Variants in KCNQ5 observed in about 807,000 individuals in gnomAD.
The protein encoded by KCNQ5 is potassium voltage-gated channel subfamily KQT member 5.
A neutral mutation model predicts 98.2 loss-of-function variants in KCNQ5; 30 were observed. That is an observed-to-expected ratio of 0.31 (90% CI 0.23 to 0.41). The LOEUF (loss-of-function observed/expected upper bound fraction) is 0.41, where lower values mean the gene tolerates loss of function less well. KCNQ5 is among the 10% of genes least tolerant of loss of function. KCNQ5 has a pLI of 1.00. For missense variants in KCNQ5, 835 were observed against 1,182.5 expected, an observed-to-expected ratio of 0.71 and a Z score of 4.31; for synonymous variants, 458 against 449.4, an observed-to-expected ratio of 1.02 and a Z score of -0.24.
intron 11 of KCNQ5, among the ~76,000 whole-genome samples, chr6:73,187,392 G>C (rs886874328): frequency 6.6e-5 from 10 of 152,130 alleles, no homozygotes. Context: ...AGTAGTCAGT[G>C]CTTGGGAGTC....
At chr6:72,737,303 T>C (rs1011765042) in intron 1 of KCNQ5, among the ~76,000 whole-genome samples, 1 of 152,210 alleles carries the variant, frequency 6.6e-6, no homozygotes, top group Admixed American at 6.5e-5. Context: ...ACTTTCATCA[T>C]ATATATTATT....
intron 1 of KCNQ5, among the ~76,000 whole-genome samples, chr6:72,640,509 A>G (rs1188118291): frequency 6.6e-6 from 1 of 152,196 alleles, no homozygotes; most frequent in Non-Finnish European, 1.5e-5. Context: ...ATTTGGTGCC[A>G]AGATTATAGA....
At chr6:72,676,520 G>A (rs1314110411) in intron 1 of KCNQ5, among the ~76,000 whole-genome samples, 1 of 152,152 alleles carries the variant, frequency 6.6e-6, no homozygotes, top group East Asian at 1.9e-4. Flanking sequence ...AATTTCTGGA[G>A]TAAGCATCCT....
chr6:72,976,559 C>T (rs886228655), intron 1 of KCNQ5, among the ~76,000 whole-genome samples: 4 of 152,224 alleles, frequency 2.6e-5, no homozygotes, highest in South Asian at 2.1e-4. Context: ...TATTCATTCA[C>T]GGCTATAATT....
At chr6:73,117,587 TTTGGATTTTTTCA>T (rs1775558744) in intron 7 of KCNQ5, among the ~76,000 whole-genome samples, 1 of 152,228 alleles carries the variant, frequency 6.6e-6, no homozygotes, top group African/African-American at 2.4e-5. Flanking sequence ...GTTCTGTTGT[TTTGGATTTTTTCA>T]CTGGTATCTA....
At chr6:73,055,138 T>C in intron 3 of KCNQ5, 1 of 770,224 alleles carries the variant, frequency 1.3e-6, no homozygotes, top group Non-Finnish European at 2.4e-6. Flanking sequence ...ACAGCGAGAG[T>C]GAGTGGAACC....
chr6:72,852,662 A>ATATATATAT (rs1389810749), intron 1 of KCNQ5, among the ~76,000 whole-genome samples: 20 of 38,316 alleles, frequency 5.2e-4, no homozygotes, highest in African/African-American at 8.4e-4. Context: ...TATATATATA[A>ATATATATAT]ATGGCACTTA....
intron 1 of KCNQ5, among the ~76,000 whole-genome samples, chr6:72,947,390 G>A (rs1766597060): frequency 1.3e-5 from 2 of 152,120 alleles, no homozygotes; most frequent in South Asian, 2.1e-4. Flanking sequence ...GAGGGGCAGA[G>A]TTTGGACTGA....
intron 10 of KCNQ5, among the ~76,000 whole-genome samples, chr6:73,159,989 T>C (rs1054086935): frequency 9.0e-6 from 1 of 111,254 alleles, no homozygotes; most frequent in East Asian, 2.0e-4. Context: ...TCCGCTATGG[T>C]TTTTTTTGTT....
intron 1 of KCNQ5, among the ~76,000 whole-genome samples, chr6:72,939,812 C>A (rs539536060): frequency 6.6e-6 from 1 of 152,290 alleles, no homozygotes; most frequent in South Asian, 2.1e-4. Context: ...CTGGCTGCCC[C>A]ATGAGAACAT....
chr6:72,699,824 T>G (rs1218484041), intron 1 of KCNQ5, among the ~76,000 whole-genome samples: 1 of 152,200 alleles, frequency 6.6e-6, no homozygotes, highest in East Asian at 1.9e-4. Context: ...GGAGTACTGT[T>G]CATTACTTAG....
intron 2 of KCNQ5, among the ~76,000 whole-genome samples, chr6:73,034,909 G>GCA (rs1771331118): frequency 7.1e-6 from 1 of 140,388 alleles, no homozygotes; most frequent in African/African-American, 2.7e-5. Flanking sequence ...GCAGTGGCAT[G>GCA]ATCTCGGCTC....
At chr6:72,857,980 T>A (rs1777600826) in intron 1 of KCNQ5, among the ~76,000 whole-genome samples, 1 of 152,174 alleles carries the variant, frequency 6.6e-6, no homozygotes, top group Non-Finnish European at 1.5e-5. Flanking sequence ...CTCATAGAAC[T>A]TGCATTCCTC....
intron 1 of KCNQ5, among the ~76,000 whole-genome samples, chr6:72,765,160 T>C (rs1772498378): frequency 6.6e-6 from 1 of 152,072 alleles, no homozygotes; most frequent in Non-Finnish European, 1.5e-5. Flanking sequence ...CTGGATCATA[T>C]GGTAGCTCAA....
rs1770768646 is a variant in KCNQ5 at position 72,735,265 on chromosome 6, T to C, written c.398+112678T>C. On this transcript the variant is annotated intron_variant, in intron 1 of 13. Coordinates refer to ENST00000370398, the MANE Select transcript of KCNQ5 (RefSeq NM_019842.4). Reference sequence around the variant, plus strand: ...TGAAAGAATTATACAGTTCAGGACATGTATGGACAAGGCTGCACCTTCAGA... The same window carrying C: ...TGAAAGAATTATACAGTTCAGGACACGTATGGACAAGGCTGCACCTTCAGA... Among the ~76,000 whole-genome samples the C allele has an allele frequency of 2.0e-5, 3 of 152,220 alleles. No homozygotes were observed. In the South Asian group the frequency reaches 6.2e-4, roughly 32 times the overall value.
At chr6:72,961,977 G>T (rs1488196678) in intron 1 of KCNQ5, among the ~76,000 whole-genome samples, 1 of 151,728 alleles carries the variant, frequency 6.6e-6, no homozygotes, top group Non-Finnish European at 1.5e-5. Context: ...AGGAGTTTGA[G>T]ATCAGCCTGG....
chr6:72,673,913 C>G (rs1195992957), intron 1 of KCNQ5, among the ~76,000 whole-genome samples: 2 of 152,138 alleles, frequency 1.3e-5, no homozygotes, highest in Non-Finnish European at 2.9e-5. Flanking sequence ...ACCAAATGTT[C>G]TCAAACTAGA....
At chr6:72,977,837 G>A (rs1343204171) in intron 1 of KCNQ5, among the ~76,000 whole-genome samples, 1 of 152,072 alleles carries the variant, frequency 6.6e-6, no homozygotes, top group East Asian at 1.9e-4. Context: ...CCGCTATAAT[G>A]TAAGTTCTGT....
At chr6:72,743,500 A>T (rs1771231505) in intron 1 of KCNQ5, among the ~76,000 whole-genome samples, 1 of 152,208 alleles carries the variant, frequency 6.6e-6, no homozygotes, top group Non-Finnish European at 1.5e-5. Flanking sequence ...AATATAATGG[A>T]TGACAACAGA....
Sources: allele counts gnomAD v4.1 joint callset (sites outside exome capture counted in the v4.1 genomes callset), GRCh38; gene constraint gnomAD v4.1.1; transcripts MANE v1.5; gene names NCBI Gene and HGNC (gene_info 2026-07-23, HGNC 2026-07-21).